The following FAM169A variants were observed in gnomAD, a reference collection of about 807,000 sequenced individuals.
The protein encoded by FAM169A is family with sequence similarity 169 member A.
A neutral mutation model predicts 75.7 loss-of-function variants in FAM169A; 24 were observed. That is an observed-to-expected ratio of 0.32 (90% CI 0.23 to 0.45). FAM169A has a LOEUF of 0.45. Among genes scored for constraint, FAM169A ranks in the 20% least tolerant of loss-of-function variants. The pLI is 1.00. For synonymous variants in FAM169A, 271 were observed against 271.0 expected, an observed-to-expected ratio of 1.00 and a Z score of 0.00; for missense variants, 673 against 784.0, an observed-to-expected ratio of 0.86 and a Z score of 1.69.
chr5:74,851,096 T>C (rs1271548256), intron 1 of FAM169A, among the ~76,000 whole-genome samples: 1 of 152,182 alleles, frequency 6.6e-6, no homozygotes, highest in Non-Finnish European at 1.5e-5. Flanking sequence ...TTTTAAAAGA[T>C]TAATATGTCT....
chr5:74,808,422 T>C (rs532210634), intron 6 of FAM169A, among the ~76,000 whole-genome samples: 2 of 127,260 alleles, frequency 1.6e-5, no homozygotes, highest in Admixed American at 1.5e-4. Context: ...GTAGCTAGCA[T>C]GGGCAAATTC....
chr5:74,848,344 G>A (rs977801424), intron 1 of FAM169A, among the ~76,000 whole-genome samples: 7 of 152,206 alleles, frequency 4.6e-5, no homozygotes, highest in Non-Finnish European at 1.0e-4. Flanking sequence ...CAGTTTTGGA[G>A]TTCAAGAGAC....
chr5:74,863,522 T>C (rs946740997), intron 1 of FAM169A, among the ~76,000 whole-genome samples: 3 of 152,246 alleles, frequency 2.0e-5, no homozygotes, highest in Non-Finnish European at 2.9e-5. Context: ...TTGACAGATA[T>C]TGTGGGAACC....
chr5:74,797,219 T>C (rs1176562712), intron 10 of FAM169A, among the ~76,000 whole-genome samples: 2 of 152,186 alleles, frequency 1.3e-5, no homozygotes, highest in African/African-American at 2.4e-5. Context: ...CTCTGTCACC[T>C]ACGCTGGAGT....
chr5:74,842,589 T>C (rs1748940729), intron 1 of FAM169A, among the ~76,000 whole-genome samples: 1 of 142,726 alleles, frequency 7.0e-6, no homozygotes, highest in African/African-American at 2.6e-5. Flanking sequence ...TTAAGTGCAT[T>C]GGTGCAATCA....
chr5:74,862,284 C>G (rs1750077040), intron 1 of FAM169A, among the ~76,000 whole-genome samples: 1 of 152,224 alleles, frequency 6.6e-6, no homozygotes, highest in Non-Finnish European at 1.5e-5. Flanking sequence ...GAGCAAAACT[C>G]ATACACATCC....
intron 10 of FAM169A, chr5:74,799,023 A>T: frequency 8.5e-7 from 1 of 1,177,168 alleles, no homozygotes; most frequent in Non-Finnish European, 1.3e-6. Flanking sequence ...TACTAGAGCC[A>T]ATCAACTGTC....
intron 5 of FAM169A, among the ~76,000 whole-genome samples, chr5:74,816,662 C>T (rs1162204645): frequency 1.3e-5 from 2 of 152,150 alleles, no homozygotes; most frequent in Non-Finnish European, 2.9e-5. Context: ...TTATCAGGGA[C>T]TTTTAAGATT....
intron 11 of FAM169A, among the ~76,000 whole-genome samples, chr5:74,786,043 GC>G (rs1261828996): frequency 1.3e-5 from 2 of 152,154 alleles, no homozygotes; most frequent in Admixed American, 6.5e-5. Flanking sequence ...TGCCAGCATG[GC>G]CAGAATAAAA....
At chr5:74,822,717 T>C (rs921861381) in intron 5 of FAM169A, among the ~76,000 whole-genome samples, 7 of 152,238 alleles carry the variant, frequency 4.6e-5, no homozygotes, top group Admixed American at 6.5e-5. Flanking sequence ...ACCTCTTCCA[T>C]GTGCTCCAAC....
intron 5 of FAM169A, among the ~76,000 whole-genome samples, chr5:74,815,441 C>T (rs1747422664): frequency 6.6e-6 from 1 of 152,122 alleles, no homozygotes; most frequent in African/African-American, 2.4e-5. Context: ...TCTGCCCCAC[C>T]TCAGCCTCCC....
In FAM169A at chr5:74,779,888, A is replaced by T. The variant is rs1745325333; in HGVS notation, c.*1572T>A. ...ACTATAGACTGAATACACTTTCAAC[A>T]TCAGTCCTTAGCTACCTCAAATAAT... is the stretch of plus-strand genomic sequence containing the variant. On this transcript the variant is annotated 3_prime_UTR_variant, in exon 13 of 13. Coordinates refer to ENST00000687041, the MANE Select transcript of FAM169A (RefSeq NM_001376049.1). 1 of 152,226 alleles carries T rather than the reference A, an allele frequency of 6.6e-6. No homozygotes were observed. The highest frequency in any genetic ancestry group is 1.5e-5 in the Non-Finnish European group (1 of 68,034). 9.4% of individuals were successfully genotyped at this position (152,226 alleles called of 1,614,324 possible). A position where few individuals can be genotyped will look rare whatever the true frequency, so the allele number is the denominator to read the frequency against.
chr5:74,856,575 G>A lies in FAM169A; in HGVS notation c.-4+9590C>T, dbSNP rs1749715916. 2.0e-5 allele frequency among the ~76,000 whole-genome samples: 3 copies of A among 151,686 alleles called. No homozygotes were observed. In the South Asian group the frequency reaches 6.3e-4, roughly 32 times the overall value. On this transcript the variant is annotated intron_variant, in intron 1 of 12. Coordinates refer to ENST00000687041, the MANE Select transcript of FAM169A (RefSeq NM_001376049.1). ...ATGAGTTACTCCAAAATAGAGCTAG[G>A]GGAAAAATAAAATACACTACATTGC...
chr5:74,802,697 T>G (rs1299524827), intron 8 of FAM169A, among the ~76,000 whole-genome samples: 3 of 152,198 alleles, frequency 2.0e-5, no homozygotes, highest in Non-Finnish European at 4.4e-5. Context: ...ATATGTCCAA[T>G]GCTTGCCATA....
chr5:74,847,128 T>C (rs2112696937), intron 1 of FAM169A, among the ~76,000 whole-genome samples: 1 of 152,308 alleles, frequency 6.6e-6, no homozygotes, highest in East Asian at 1.9e-4. Context: ...GCTCCCCTTT[T>C]ATAATTGTGG....
intron 1 of FAM169A, among the ~76,000 whole-genome samples, chr5:74,852,085 A>C (rs953179463): frequency 1.6e-4 from 25 of 152,306 alleles, no homozygotes; most frequent in African/African-American, 5.8e-4. Flanking sequence ...AAAGAAACCA[A>C]AACTTGGCAC....
Position 74,782,017 on chromosome 5 carries a change from TA to T in FAM169A, c.1465-10del. 2.5e-6 allele frequency: 4 copies of T among 1,587,588 alleles called. No individual in the cohort carries two copies. Among genetic ancestry groups the T allele is most frequent in the Non-Finnish European group, 3.4e-6 (4 of 1,165,936 alleles). On this transcript the variant is annotated splice_polypyrimidine_tract_variant and intron_variant, in intron 12 of 12. Transcript: ENST00000687041. ...TCAGGTATACGTGGGGTCTGAAAAT[TA>T]AAAACCTGGTCAACAAATAAACTTG... is the stretch of plus-strand genomic sequence containing the variant.
At chr5:74,796,372 G>C (rs1182373340) in intron 10 of FAM169A, among the ~76,000 whole-genome samples, 186 bp from the exon 11 acceptor site, 1 of 151,414 alleles carries the variant, frequency 6.6e-6, no homozygotes, top group Non-Finnish European at 1.5e-5. Context: ...ATGTAAACTA[G>C]ACCCTTCTTC....
chr5:74,808,376 A>C (rs1746995504), intron 6 of FAM169A, among the ~76,000 whole-genome samples: 1 of 152,232 alleles, frequency 6.6e-6, no homozygotes, highest in Non-Finnish European at 1.5e-5. Flanking sequence ...AGCCAGACAC[A>C]GAAAAATAAA....
Sources: gnomAD v4.1 joint callset for allele counts (sites outside exome capture counted in the v4.1 genomes callset) on GRCh38, gnomAD v4.1.1 for gene constraint, MANE v1.5 for transcripts, NCBI Gene and HGNC (gene_info 2026-07-23, HGNC 2026-07-21) for gene names.